SRD5A2: variants seen among roughly 807,000 people sequenced by gnomAD.
SRD5A2 encodes steroid 5 alpha-reductase 2, also known as 3-oxo-5-alpha-steroid 4-dehydrogenase 2.
Under a neutral mutation model 27.4 loss-of-function variants are expected in SRD5A2, and 30 were observed. That is an observed-to-expected ratio of 1.10 (90% CI 0.82 to 1.49). SRD5A2 has a LOEUF of 1.49. Ranked by LOEUF, SRD5A2 falls within the 40% of genes most tolerant of loss-of-function variation. The pLI, the probability that SRD5A2 is intolerant of heterozygous loss-of-function variation, is 0.00. For missense variants in SRD5A2, 348 were observed against 323.4 expected (o/e 1.08, Z -0.58); for synonymous variants, 141 against 133.6 (o/e 1.06, Z -0.38).
At chr2:31,535,207 A>G (rs1261542521) in intron 1 of SRD5A2, among the ~76,000 whole-genome samples, 1 of 152,052 alleles carries the variant, frequency 6.6e-6, no homozygotes, top group Non-Finnish European at 1.5e-5. Flanking sequence ...TTTTTAGTAG[A>G]GACAGAGTTT....
chr2:31,564,496 T>G (rs568756333), intron 1 of SRD5A2, among the ~76,000 whole-genome samples: 1 of 151,956 alleles, frequency 6.6e-6, no homozygotes, highest in Non-Finnish European at 1.5e-5. Context: ...GAATGAAGAA[T>G]AGTGTATGAA....
chr2:31,547,862 CATAG>C (rs10587327), intron 1 of SRD5A2, among the ~76,000 whole-genome samples: 28,464 of 151,570 alleles, frequency 0.19, 3,362 homozygotes, highest in African/African-American at 0.34. Context: ...CCTCTCTCTA[CATAG>C]ATAGATAGAT....
At chr2:31,571,152 T>C (rs1666841190) in intron 1 of SRD5A2, among the ~76,000 whole-genome samples, 1 of 152,178 alleles carries the variant, frequency 6.6e-6, no homozygotes, top group Admixed American at 6.5e-5. Context: ...CAAAACAGCG[T>C]GGCACTGGTA....
chr2:31,639,931 T>C, the SRD5A2 span, among the ~76,000 whole-genome samples: 5 of 152,148 alleles, frequency 3.3e-5, no homozygotes, highest in African/African-American at 1.2e-4. Context: ...ATAAGCTTTC[T>C]TCCCCTTGCT....
At chr2:31,596,699 G>T in the SRD5A2 span, among the ~76,000 whole-genome samples, 2 of 152,004 alleles carry the variant, frequency 1.3e-5, no homozygotes, top group Non-Finnish European at 2.9e-5. Flanking sequence ...CATCATCAGA[G>T]ACCAAGCTGA....
chr2:31,656,668 G>A, the SRD5A2 span, among the ~76,000 whole-genome samples: 1 of 152,166 alleles, frequency 6.6e-6, no homozygotes, highest in Non-Finnish European at 1.5e-5. Context: ...CTTGGAAGCA[G>A]AGAGACTAAG....
the SRD5A2 span, among the ~76,000 whole-genome samples, chr2:31,621,070 G>A: frequency 2.0e-5 from 3 of 150,900 alleles, no homozygotes; most frequent in Non-Finnish European, 4.4e-5. Flanking sequence ...AGATTCATAT[G>A]CATTTTAAAA....
At chr2:31,541,768 C>T (rs1432927732) in intron 1 of SRD5A2, among the ~76,000 whole-genome samples, 1 of 152,176 alleles carries the variant, frequency 6.6e-6, no homozygotes, top group South Asian at 2.1e-4. Flanking sequence ...AATCTGTAAA[C>T]CTGGGAAATG....
chr2:31,634,918 C>T, the SRD5A2 span, among the ~76,000 whole-genome samples: 1 of 152,034 alleles, frequency 6.6e-6, no homozygotes, highest in Admixed American at 6.6e-5. Context: ...AGCACATTTT[C>T]TTGATTCACT....
At chr2:31,550,700 A>G (rs1161884372) in intron 1 of SRD5A2, among the ~76,000 whole-genome samples, 2 of 152,008 alleles carry the variant, frequency 1.3e-5, no homozygotes, top group Non-Finnish European at 2.9e-5. Context: ...TAATGATAAA[A>G]TTATAAGAAA....
chr2:31,657,458 G>A, the SRD5A2 span, among the ~76,000 whole-genome samples: 8 of 152,128 alleles, frequency 5.3e-5, no homozygotes, highest in Non-Finnish European at 8.8e-5. Context: ...TGGCACAATC[G>A]TAGCTCACTA....
chr2:31,533,492 G>T, intron 2 of SRD5A2, 111 bp downstream of exon 2: 1 of 968,356 alleles, frequency 1.0e-6, no homozygotes, highest in Non-Finnish European at 1.6e-6. Flanking sequence ...GTGAGGGAGG[G>T]GAAGATGGGA....
chr2:31,591,629 C>T, the SRD5A2 span, among the ~76,000 whole-genome samples: 2 of 151,824 alleles, frequency 1.3e-5, no homozygotes, highest in Non-Finnish European at 2.9e-5. Context: ...TATAAAGACA[C>T]ATGCACACGT....
chr2:31,537,114 G>A (rs915283821), intron 1 of SRD5A2, among the ~76,000 whole-genome samples: 13 of 152,096 alleles, frequency 8.5e-5, no homozygotes, highest in African/African-American at 2.9e-4. Context: ...AAATATAAAT[G>A]CTATTGCTAA....
the SRD5A2 span, among the ~76,000 whole-genome samples, chr2:31,619,475 C>T: frequency 6.6e-6 from 1 of 152,066 alleles, no homozygotes. Context: ...ATTTCTGGAT[C>T]AAATGGTGTT....
intron 1 of SRD5A2, among the ~76,000 whole-genome samples, chr2:31,558,005 C>T (rs1346089155): frequency 6.6e-6 from 1 of 152,132 alleles, no homozygotes; most frequent in Non-Finnish European, 1.5e-5. Flanking sequence ...TCTATAGAGT[C>T]CAAATCTGCC....
the SRD5A2 span, among the ~76,000 whole-genome samples, chr2:31,627,288 T>G: frequency 6.6e-6 from 1 of 152,204 alleles, no homozygotes; most frequent in East Asian, 1.9e-4. Flanking sequence ...GTGTTTTGTA[T>G]TTCTGTGGGT....
chr2:31,591,978 C>T, the SRD5A2 span, among the ~76,000 whole-genome samples: 5 of 148,164 alleles, frequency 3.4e-5, no homozygotes, highest in South Asian at 2.2e-4. Context: ...AGGAGATATA[C>T]CTAATGTTAA....
the SRD5A2 span, among the ~76,000 whole-genome samples, chr2:31,594,470 A>G: frequency 6.6e-6 from 1 of 152,222 alleles, no homozygotes; most frequent in African/African-American, 2.4e-5. Context: ...ATGTTATATA[A>G]TGACAAAAAG....
Sources: allele counts gnomAD v4.1 joint callset (sites outside exome capture counted in the v4.1 genomes callset), GRCh38; gene constraint gnomAD v4.1.1; transcripts MANE v1.5; gene names NCBI Gene and HGNC (gene_info 2026-07-23, HGNC 2026-07-21).